Variants in GLT1D1 observed in about 807,000 individuals in gnomAD.
GLT1D1 encodes glycosyltransferase 1 domain containing 1.
Under a neutral mutation model 28.7 loss-of-function variants are expected in GLT1D1, and 21 were observed. That is an observed-to-expected ratio of 0.73 (90% CI 0.52 to 1.05). GLT1D1 has a LOEUF of 1.05. Among genes scored for constraint, GLT1D1 ranks in the 50% least tolerant of loss-of-function variants. The pLI is 0.00. For missense variants in GLT1D1, 343 were observed against 330.6 expected, an observed-to-expected ratio of 1.04 and a Z score of -0.29; for synonymous variants, 147 against 124.8, an observed-to-expected ratio of 1.18 and a Z score of -1.19.
rs547714438 is a variant in GLT1D1 at position 128,913,367 on chromosome 12, C to T, written c.375+14080C>T. Among the ~76,000 whole-genome samples the T allele has an allele frequency of 2.0e-5, 3 of 152,126 alleles. No homozygotes were observed. In the East Asian group the frequency reaches 5.8e-4, roughly 29 times the overall value. On this transcript the variant is annotated intron_variant, in intron 4 of 7. Coordinates refer to ENST00000281703, the MANE Select transcript of GLT1D1 (RefSeq NM_144669.3). ...CCCGAGTAGCTGGGATTACAGGTGCCCCCCCACCACGCCCAGCTAATTTTT... is the reference window on the plus strand; with the variant it reads ...CCCGAGTAGCTGGGATTACAGGTGCTCCCCCACCACGCCCAGCTAATTTTT...
At chr12:128,909,834 A>G (rs1871341360) in intron 4 of GLT1D1, among the ~76,000 whole-genome samples, 1 of 152,268 alleles carries the variant, frequency 6.6e-6, no homozygotes, top group East Asian at 1.9e-4. Flanking sequence ...AGTTGCTGAT[A>G]GACACACCTC....
chr12:128,916,548 T>C (rs1013350861), intron 4 of GLT1D1, among the ~76,000 whole-genome samples: 1 of 152,236 alleles, frequency 6.6e-6, no homozygotes, highest in African/African-American at 2.4e-5. Context: ...TTAGTTGTTC[T>C]AGGGAGATAA....
At chr12:128,917,913 G>A (rs1228245614) in intron 4 of GLT1D1, among the ~76,000 whole-genome samples, 1 of 152,108 alleles carries the variant, frequency 6.6e-6, no homozygotes, top group Non-Finnish European at 1.5e-5. Context: ...AGACAGTGTG[G>A]CAATTCCACA....
chr12:128,932,501 G>A (rs895707622), intron 4 of GLT1D1, among the ~76,000 whole-genome samples: 1 of 152,152 alleles, frequency 6.6e-6, no homozygotes, highest in African/African-American at 2.4e-5. Flanking sequence ...TAAATTCGTC[G>A]CCATCAATTA....
intron 1 of GLT1D1, among the ~76,000 whole-genome samples, chr12:128,867,397 C>CAAAAAAAAAAAAA (rs1158997935): frequency 1.0e-4 from 6 of 59,296 alleles, no homozygotes; most frequent in Non-Finnish European, 1.3e-4. Context: ...AACTCCTTCT[C>CAAAAAAAAAAAAA]AAAAAAAAAA....
chr12:128,959,421 C>CGGTGGG (rs1877681362), intron 7 of GLT1D1, among the ~76,000 whole-genome samples: 2 of 9,942 alleles, frequency 2.0e-4, no homozygotes, highest in Non-Finnish European at 3.4e-4. Flanking sequence ...TGGGGGGGGA[C>CGGTGGG]GGGTGGGGAG....
intron 6 of GLT1D1, among the ~76,000 whole-genome samples, chr12:128,954,524 G>A (rs1023139351): frequency 4.6e-5 from 7 of 152,160 alleles, no homozygotes; most frequent in Non-Finnish European, 7.3e-5. Context: ...TGTGGAGTGC[G>A]TTCTCAAGAC....
intron 4 of GLT1D1, among the ~76,000 whole-genome samples, chr12:128,913,716 G>A (rs111355477): frequency 6.9e-4 from 105 of 152,348 alleles, no homozygotes; most frequent in African/African-American, 2.2e-3. Flanking sequence ...TGTCATCACC[G>A]TGTCCTTGCT....
intron 2 of GLT1D1, among the ~76,000 whole-genome samples, chr12:128,886,515 G>A (rs1480678334): frequency 6.6e-6 from 1 of 152,170 alleles, no homozygotes; most frequent in Non-Finnish European, 1.5e-5. Flanking sequence ...GTCAGCAGCT[G>A]CGCTTCTTCC....
At chr12:128,887,910 C>T (rs531207265) in intron 2 of GLT1D1, among the ~76,000 whole-genome samples, 4 of 152,184 alleles carry the variant, frequency 2.6e-5, no homozygotes, top group South Asian at 2.1e-4. Context: ...TTCGGGGAGT[C>T]GCTTTTGATA....
chr12:128,922,565 C>A (rs1414495472), intron 4 of GLT1D1, among the ~76,000 whole-genome samples: 1 of 152,174 alleles, frequency 6.6e-6, no homozygotes, highest in Non-Finnish European at 1.5e-5. Flanking sequence ...CTAGCTTAGA[C>A]TTTTGGTCAA....
chr12:128,975,822 T>C (rs1879715881), intron 7 of GLT1D1, among the ~76,000 whole-genome samples: 1 of 152,190 alleles, frequency 6.6e-6, no homozygotes, highest in Non-Finnish European at 1.5e-5. Flanking sequence ...CAGGGTGAAA[T>C]AACTTCAATT....
chr12:128,867,397 C>CAAAAAAAAAAA (rs1158997935), intron 1 of GLT1D1, among the ~76,000 whole-genome samples: 1 of 59,304 alleles, frequency 1.7e-5, no homozygotes, highest in African/African-American at 5.8e-5. Flanking sequence ...AACTCCTTCT[C>CAAAAAAAAAAA]AAAAAAAAAA....
chr12:128,856,681 G>A (rs513831), intron 1 of GLT1D1, among the ~76,000 whole-genome samples: 15,124 of 152,220 alleles, frequency 0.099, 870 homozygotes, highest in East Asian at 0.18. Context: ...GCTAGGAAAT[G>A]AGTCAGAGAG....
chr12:128,922,922 C>CA lies in GLT1D1; in HGVS notation c.376-22380dup, dbSNP rs149775593. Among the ~76,000 whole-genome samples, 401 of 97,526 alleles carry CA rather than the reference C, an allele frequency of 4.1e-3. 1 individual carries two copies. The highest frequency in any genetic ancestry group is 0.014 in the African/African-American group (342 of 25,146). The allele number at this position is 97,526 out of a possible 152,430, so 64.0% of individuals were successfully genotyped here. On this transcript the variant is annotated intron_variant, in intron 4 of 7. Transcript: ENST00000281703. ...TGGGCTACAGGCTGAGACTCCATCTCAAAAAAAAAAAAAAAAAAAAAAAAG... is the reference window on the plus strand; with the variant it reads ...TGGGCTACAGGCTGAGACTCCATCTCAAAAAAAAAAAAAAAAAAAAAAAAAG...
intron 4 of GLT1D1, chr12:128,927,130 G>C: frequency 6.5e-7 from 1 of 1,535,796 alleles, no homozygotes; most frequent in Non-Finnish European, 8.7e-7. Context: ...AGCCCAATGT[G>C]CACCTGGTGA....
At chr12:128,859,811 T>C (rs11059979) in intron 1 of GLT1D1, among the ~76,000 whole-genome samples, 23,457 of 152,074 alleles carry the variant, frequency 0.15, 1,981 homozygotes, top group Middle Eastern at 0.23. Context: ...GAGAAAAACC[T>C]GTGATTTCCT....
intron 4 of GLT1D1, among the ~76,000 whole-genome samples, chr12:128,935,456 G>A (rs1290682233): frequency 3.3e-5 from 5 of 151,136 alleles, no homozygotes; most frequent in African/African-American, 9.8e-5. Context: ...CAAGGAAATC[G>A]CTTGAACCCG....
At chr12:128,928,532 C>T (rs1445937152) in intron 4 of GLT1D1, among the ~76,000 whole-genome samples, 3 of 152,000 alleles carry the variant, frequency 2.0e-5, no homozygotes, top group East Asian at 1.9e-4. Flanking sequence ...TTACTCCAAG[C>T]GGTTTGGAAA....
Sources: allele counts gnomAD v4.1 joint callset (sites outside exome capture counted in the v4.1 genomes callset), GRCh38; gene constraint gnomAD v4.1.1; transcripts MANE v1.5; gene names NCBI Gene and HGNC (gene_info 2026-07-23, HGNC 2026-07-21).